Variants in TIMMDC1 observed in about 807,000 individuals in gnomAD.
The protein encoded by TIMMDC1 is complex I assembly factor TIMMDC1, mitochondrial.
Under a neutral mutation model 32.6 loss-of-function variants are expected in TIMMDC1, and 25 were observed. The observed-to-expected ratio is 0.77, with a 90% CI of 0.56 to 1.07. The LOEUF (loss-of-function observed/expected upper bound fraction) is 1.07. Among genes scored for constraint, TIMMDC1 ranks in the 50% least tolerant of loss-of-function variants. The pLI is 0.00. For missense variants in TIMMDC1, 329 were observed against 349.2 expected (o/e 0.94, Z 0.46); for synonymous variants, 130 against 127.6 (o/e 1.02, Z -0.13).
At chr3:119,512,621 C>G (rs577998461) in intron 4 of TIMMDC1, among the ~76,000 whole-genome samples, 3 of 151,550 alleles carry the variant, frequency 2.0e-5, no homozygotes, top group Admixed American at 1.3e-4. Flanking sequence ...TTTGGAGGAT[C>G]AGAAAAAAAG....
At chr3:119,502,800 A>G (rs1455126823) in intron 2 of TIMMDC1, among the ~76,000 whole-genome samples, 1 of 151,976 alleles carries the variant, frequency 6.6e-6, no homozygotes. Context: ...GGCTCAAGTG[A>G]TCCTCCCTAG....
intron 4 of TIMMDC1, among the ~76,000 whole-genome samples, chr3:119,508,730 G>T (rs906973153): frequency 1.2e-4 from 18 of 152,158 alleles, no homozygotes; most frequent in African/African-American, 4.1e-4. Flanking sequence ...GACATGCTTG[G>T]GATCTTGCCT....
intron 4 of TIMMDC1, among the ~76,000 whole-genome samples, chr3:119,512,395 C>G (rs528126400): frequency 1.1e-4 from 16 of 152,336 alleles, no homozygotes; most frequent in Non-Finnish European, 1.9e-4. Flanking sequence ...TCTCCTGCCT[C>G]AGCCTCCTGA....
At position 119,498,855 on chromosome 3, in the gene TIMMDC1, G is replaced by A; in HGVS notation, c.122G>A (p.Arg41Gln). ...DSEVLEERQK[R>Q]LPYVPEPYYP... ...GAAGTCCTTGAGGAGCGTCAGAAGCGGCTTCCCTACGTCCCAGAGCCCTAT... is the reference window on the plus strand; with the variant it reads ...GAAGTCCTTGAGGAGCGTCAGAAGCAGCTTCCCTACGTCCCAGAGCCCTAT... Residue 41 changes from arginine (R) to glutamine (Q), a missense_variant, in exon 1 of 7, where the codon CGG becomes CAG. Arg to Gln is a conservative substitution (Grantham distance 43, BLOSUM62 1). Coordinates refer to ENST00000494664, the MANE Select transcript of TIMMDC1 (RefSeq NM_016589.4). 6.2e-7 allele frequency: 1 copy of A among 1,614,058 alleles called. No individual in the cohort carries two copies. The highest frequency in any genetic ancestry group is 8.5e-7 in the Non-Finnish European group (1 of 1,180,018).
chr3:119,515,083 G>A (rs1055704817), intron 5 of TIMMDC1, among the ~76,000 whole-genome samples: 6 of 151,814 alleles, frequency 4.0e-5, no homozygotes, highest in Admixed American at 1.3e-4. Context: ...ACAGATACTC[G>A]GGAGGCTGAG....
intron 6 of TIMMDC1, among the ~76,000 whole-genome samples, chr3:119,522,512 CTA>C (rs1349989057): frequency 6.6e-6 from 1 of 151,950 alleles, no homozygotes; most frequent in African/African-American, 2.4e-5. Flanking sequence ...TGTAGGATGA[CTA>C]TAGTTAATAA....
Position 119,524,122 on chromosome 3 carries a change from T to C in TIMMDC1, c.*366T>C, listed in dbSNP as rs2082049965. The C allele has an allele frequency of 6.4e-6, 1 of 157,296 alleles. No individual in the cohort carries two copies. The highest frequency in any genetic ancestry group is 2.0e-4 in the South Asian group (1 of 5,084). 9.7% of individuals were successfully genotyped at this position (157,296 alleles called of 1,614,324 possible). A position where few individuals can be genotyped will look rare whatever the true frequency, so the allele number is the denominator to read the frequency against. On this transcript the variant is annotated 3_prime_UTR_variant, in exon 7 of 7. Transcript: ENST00000494664. ...GTCCTTTGAAAGGGTATTCTAGAAATCACTGGAAAGAGGAGAGGAAAGAAC... is the reference window on the plus strand; with the variant it reads ...GTCCTTTGAAAGGGTATTCTAGAAACCACTGGAAAGAGGAGAGGAAAGAAC...
In TIMMDC1 at chr3:119,500,720, C is replaced by G; in HGVS notation, c.220C>G (p.Leu74Val). The G allele has an allele frequency of 6.2e-7, 1 of 1,613,404 alleles. No homozygotes were observed. The highest frequency in any genetic ancestry group is 2.2e-5 in the East Asian group (1 of 44,872). Residue 74 changes from leucine (L) to valine (V), a missense_variant, in exon 2 of 7, where the codon CTT (leucine) becomes GTT (valine). Physicochemically the swap from Leu to Val is conservative, Grantham distance 32. Transcript: ENST00000494664. ...KDEQQRISKD[L>V]ANICKTAATA... ...TGAACAGCAGAGAATTTCAAAGGAC[C>G]TTGCTAATATCTGTAAGACGGCAGC...
intron 6 of TIMMDC1, among the ~76,000 whole-genome samples, chr3:119,522,060 T>A (rs1388563757): frequency 6.6e-6 from 1 of 152,138 alleles, no homozygotes; most frequent in Non-Finnish European, 1.5e-5. Flanking sequence ...CTACTAGGTA[T>A]TTATCCAAAG....
chr3:119,514,902 C>T (rs2081975319), intron 5 of TIMMDC1, among the ~76,000 whole-genome samples: 1 of 152,014 alleles, frequency 6.6e-6, no homozygotes, highest in African/African-American at 2.4e-5. Flanking sequence ...GAATTTAGTT[C>T]CTTGTGGCCA....
In TIMMDC1 at chr3:119,513,623, T is replaced by C; in HGVS notation, c.518-18T>C. 1 of 1,595,968 alleles carries C rather than the reference T, an allele frequency of 6.3e-7. No individual in the cohort carries two copies. Among genetic ancestry groups the C allele is most frequent in the South Asian group, 1.1e-5 (1 of 90,676 alleles). Reference sequence around the variant, plus strand: ...GTTTTAAAGATGATTTAATATTGCCTTTCTTGTTTTTAAATAGCTGTCACG... The same window carrying C: ...GTTTTAAAGATGATTTAATATTGCCCTTCTTGTTTTTAAATAGCTGTCACG... On this transcript the variant is annotated intron_variant, in intron 4 of 6. Transcript: ENST00000494664.
At chr3:119,502,024 A>G (rs540495859) in intron 2 of TIMMDC1, among the ~76,000 whole-genome samples, 69 of 152,324 alleles carry the variant, frequency 4.5e-4, no homozygotes, top group Non-Finnish European at 9.1e-4. Flanking sequence ...TCTGCCAACT[A>G]TACACTGTAA....
rs1470780964 is a variant in TIMMDC1 at position 119,503,583 on chromosome 3, T to C, written c.412T>C (p.Trp138Arg). 6.2e-7 allele frequency: 1 copy of C among 1,612,262 alleles called. No individual in the cohort carries two copies. Among genetic ancestry groups the C allele is most frequent in the Non-Finnish European group, 8.5e-7 (1 of 1,179,454 alleles). Residue 138 changes from tryptophan (W) to arginine (R), a missense_variant, in exon 3 of 7, where the codon TGG becomes CGG. Transcript: ENST00000494664. ...AGGCTTCATTCGTTATGGCTGGCGC[T>C]GGGGTTGGAGAACTGCAGTGTTTGT... Reference protein sequence around the residue: ...TRGFIRYGWRWGWRTAVFVTI... With the variant: ...TRGFIRYGWRRGWRTAVFVTI...
chr3:119,520,510 C>A lies in TIMMDC1; in HGVS notation c.708-3096C>A, dbSNP rs147837275. On this transcript the variant is annotated intron_variant, in intron 6 of 6. Transcript: ENST00000494664. ...CAGGAAATGGATACATTCCTGAGCC[C>A]CTATAATCTATCGAGATTGAGCCAA... Among the ~76,000 whole-genome samples the A allele has an allele frequency of 9.8e-3, 1,487 of 152,080 alleles. 89 individuals are homozygous for A. The highest frequency in any genetic ancestry group is 0.084 in the Admixed American group (1,285 of 15,272).
In TIMMDC1 at chr3:119,523,861, G is replaced by A. The variant is rs2082047560; in HGVS notation, c.*105G>A. ...TTGGTCAGCCTGCTGACAAATTTAA[G>A]TGCTGGTACCTGTGGTGGCAGTGGC... On this transcript the variant is annotated 3_prime_UTR_variant, in exon 7 of 7. Coordinates refer to ENST00000494664, the MANE Select transcript of TIMMDC1 (RefSeq NM_016589.4). 2.4e-6 allele frequency: 3 copies of A among 1,228,108 alleles called. No individual in the cohort carries two copies. The highest frequency in any genetic ancestry group is 3.3e-6 in the Non-Finnish European group (3 of 904,216). The allele number at this position is 1,228,108 out of a possible 1,614,324, so 76.1% of individuals were successfully genotyped here.
At position 119,502,477 on chromosome 3, in the gene TIMMDC1, CCTCCTTGG is replaced by C. The variant is rs1415149672; in HGVS notation, c.361-1053_361-1046del. Among the ~76,000 whole-genome samples the C allele has an allele frequency of 6.6e-5, 10 of 151,882 alleles. No homozygotes were observed. The East Asian group carries it at 1.9e-3, about 29-fold the overall frequency. On this transcript the variant is annotated intron_variant, in intron 2 of 6. Transcript: ENST00000494664. ...AGTCCTCAGCTCAAGCAGTTCACCC[CCTCCTTGG>C]CCTCCCAAAGGGTTGGGATTATAGG...
chr3:119,517,090 G>A (rs1159981706), intron 5 of TIMMDC1, 115 bp from the exon 6 acceptor site: 10 of 582,806 alleles, frequency 1.7e-5, no homozygotes, highest in Non-Finnish European at 2.8e-5. Flanking sequence ...AAATGTTCCT[G>A]TACCTAATAG....
At chr3:119,521,990 C>G (rs1427884041) in intron 6 of TIMMDC1, among the ~76,000 whole-genome samples, 2 of 152,080 alleles carry the variant, frequency 1.3e-5, no homozygotes, top group African/African-American at 4.8e-5. Flanking sequence ...TTTATAGAAA[C>G]AGTATGGAAG....
chr3:119,522,351 A>T (rs184611851), intron 6 of TIMMDC1, among the ~76,000 whole-genome samples: 387 of 152,278 alleles, frequency 2.5e-3, no homozygotes, highest in Non-Finnish European at 4.2e-3. Context: ...GAGCTAAAAA[A>T]TGGGCTCATA....
Sources: gnomAD v4.1 joint callset for allele counts (sites outside exome capture counted in the v4.1 genomes callset) on GRCh38, gnomAD v4.1.1 for gene constraint, MANE v1.5 for transcripts, NCBI Gene and HGNC (gene_info 2026-07-23, HGNC 2026-07-21) for gene names.